Variants in TXNDC16 observed in about 807,000 individuals in gnomAD.
The protein encoded by TXNDC16 is thioredoxin domain-containing protein 16.
In TXNDC16, 74 loss-of-function variants were observed where a neutral mutation model predicts 85.6. That is an observed-to-expected ratio of 0.86 (90% CI 0.72 to 1.05). The LOEUF (loss-of-function observed/expected upper bound fraction) is 1.05, where lower values mean the gene tolerates loss of function less well. TXNDC16 is among the 50% of genes least tolerant of loss of function. The pLI, the probability that TXNDC16 is intolerant of heterozygous loss-of-function variation, is 0.00. For missense variants in TXNDC16, 959 were observed against 947.0 expected (o/e 1.01, Z -0.17); for synonymous variants, 335 against 326.5 (o/e 1.03, Z -0.28).
rs1044176119 is a variant in TXNDC16, at chr14:52,443,529, T to C, written c.1843-2805A>G. Among the ~76,000 whole-genome samples the C allele has an allele frequency of 3.9e-5, 6 of 152,308 alleles. No individual in the cohort carries two copies. In the East Asian group the frequency reaches 5.8e-4, roughly 15 times the overall value. On this transcript the variant is annotated intron_variant, in intron 18 of 20. Coordinates refer to ENST00000281741, the MANE Select transcript of TXNDC16 (RefSeq NM_020784.3). ...GATAAAGAATAAGATCTTGACAGAC[T>C]GAGGTGTGTGCTTGAGCAGGGATTT...
intron 18 of TXNDC16, among the ~76,000 whole-genome samples, chr14:52,448,965 A>C (rs991573133): frequency 3.9e-5 from 6 of 152,116 alleles, no homozygotes; most frequent in Non-Finnish European, 8.8e-5. Context: ...AATACACACA[A>C]AAAAATTTTA....
In TXNDC16 at chr14:52,530,564, T is replaced by TATAATAA. The variant is rs1566583255; in HGVS notation, c.392+6148_392+6154dup. ...TAATATATAATTATATAATATTATA[T>TATAATAA]ATAATAATATATAATTATTATATAT... is the stretch of plus-strand genomic sequence containing the variant. On this transcript the variant is annotated intron_variant, in intron 6 of 20. Transcript: ENST00000281741. Among the ~76,000 whole-genome samples the TATAATAA allele has an allele frequency of 8.2e-5, 2 of 24,300 alleles. 1 individual carries two copies. Among genetic ancestry groups the TATAATAA allele is most frequent in the Admixed American group, 1.6e-3 (2 of 1,266 alleles). 15.9% of individuals were successfully genotyped at this position (24,300 alleles called of 152,430 possible).
At chr14:52,457,500 G>A (rs1385201158) in intron 16 of TXNDC16, among the ~76,000 whole-genome samples, 2 of 152,168 alleles carry the variant, frequency 1.3e-5, no homozygotes, top group African/African-American at 2.4e-5. Flanking sequence ...CTATGGCAGA[G>A]TAAATGGAGA....
intron 3 of TXNDC16, among the ~76,000 whole-genome samples, chr14:52,543,045 C>T (rs990732943): frequency 2.6e-5 from 4 of 151,738 alleles, no homozygotes; most frequent in African/African-American, 9.7e-5. Flanking sequence ...TAGTTACACG[C>T]TAAAAACATG....
intron 7 of TXNDC16, among the ~76,000 whole-genome samples, chr14:52,516,451 G>C (rs2037084785): frequency 6.6e-6 from 1 of 152,134 alleles, no homozygotes; most frequent in South Asian, 2.1e-4. Flanking sequence ...AATTTAAGAA[G>C]TTCGATGCTA....
intron 14 of TXNDC16, among the ~76,000 whole-genome samples, chr14:52,473,318 G>A (rs2035950621): frequency 6.6e-6 from 1 of 152,106 alleles, no homozygotes; most frequent in South Asian, 2.1e-4. Context: ...CTGCTGCTTT[G>A]ATTTCATCAA....
intron 16 of TXNDC16, among the ~76,000 whole-genome samples, chr14:52,467,256 T>G (rs1440953820): frequency 2.0e-5 from 3 of 151,628 alleles, no homozygotes; most frequent in South Asian, 2.1e-4. Flanking sequence ...CACTAAAATA[T>G]CTAAAGGGTT....
chr14:52,519,673 C>T (rs1157258532), intron 6 of TXNDC16, among the ~76,000 whole-genome samples: 4 of 152,322 alleles, frequency 2.6e-5, no homozygotes, highest in Admixed American at 2.6e-4. Context: ...TCTGACAAGA[C>T]CTAGACCTTG....
At chr14:52,478,146 C>G (rs1393722709) in intron 14 of TXNDC16, among the ~76,000 whole-genome samples, 1 of 152,088 alleles carries the variant, frequency 6.6e-6, no homozygotes, top group Non-Finnish European at 1.5e-5. Flanking sequence ...AATAGTGACA[C>G]AACCTATCAA....
chr14:52,537,494 C>A, intron 5 of TXNDC16, 105 bp downstream of exon 5: 1 of 803,270 alleles, frequency 1.2e-6, no homozygotes, highest in Non-Finnish European at 2.0e-6. Context: ...TTTACATGAT[C>A]CCCCCTACAT....
At chr14:52,487,410 T>C (rs1028906392) in intron 12 of TXNDC16, among the ~76,000 whole-genome samples, 2 of 152,194 alleles carry the variant, frequency 1.3e-5, no homozygotes, top group African/African-American at 4.8e-5. Flanking sequence ...GAGCTCATAA[T>C]GGTACTATAT....
At chr14:52,435,160 AGAG>A (rs1466474885) in intron 20 of TXNDC16, among the ~76,000 whole-genome samples, 1 of 151,888 alleles carries the variant, frequency 6.6e-6, no homozygotes, top group African/African-American at 2.4e-5. Flanking sequence ...TTATAGTTGT[AGAG>A]GAGGAAACCA....
chr14:52,533,972 T>A (rs1221594751), intron 6 of TXNDC16, among the ~76,000 whole-genome samples: 1 of 152,198 alleles, frequency 6.6e-6, no homozygotes, highest in Non-Finnish European at 1.5e-5. Context: ...TAGGCCTATG[T>A]CCTTGACCTC....
intron 18 of TXNDC16, among the ~76,000 whole-genome samples, chr14:52,449,910 A>G (rs1398179803): frequency 1.3e-5 from 2 of 151,856 alleles, no homozygotes; most frequent in African/African-American, 4.8e-5. Flanking sequence ...GAAAAAAACC[A>G]TACCCAAACC....
intron 6 of TXNDC16, among the ~76,000 whole-genome samples, chr14:52,522,108 A>T: frequency 6.6e-6 from 1 of 152,218 alleles, no homozygotes; most frequent in Non-Finnish European, 1.5e-5. Flanking sequence ...GGGAGGTACA[A>T]TCTAGTTAAC....
chr14:52,452,416 T>A (rs899507143), intron 18 of TXNDC16, among the ~76,000 whole-genome samples: 1 of 152,184 alleles, frequency 6.6e-6, no homozygotes, highest in Non-Finnish European at 1.5e-5. Flanking sequence ...GGAATCACAT[T>A]ACCTGACATC....
chr14:52,447,361 C>T (rs1177523002), intron 18 of TXNDC16, among the ~76,000 whole-genome samples: 1 of 152,156 alleles, frequency 6.6e-6, no homozygotes, highest in Non-Finnish European at 1.5e-5. Context: ...AAGGGAAGAA[C>T]ACAGGCCCAG....
At chr14:52,491,310 T>C (rs1261251910) in intron 9 of TXNDC16, among the ~76,000 whole-genome samples, 1 of 150,518 alleles carries the variant, frequency 6.6e-6, no homozygotes, top group Non-Finnish European at 1.5e-5. Flanking sequence ...GCCTCCCGAG[T>C]AGCTGAGACC....
intron 18 of TXNDC16, among the ~76,000 whole-genome samples, chr14:52,451,075 C>T (rs911324232): frequency 2.0e-5 from 3 of 151,508 alleles, no homozygotes; most frequent in Non-Finnish European, 4.4e-5. Flanking sequence ...GCTATGAGGA[C>T]ACAAAAGCAT....
Sources: allele counts gnomAD v4.1 joint callset (sites outside exome capture counted in the v4.1 genomes callset), GRCh38; gene constraint gnomAD v4.1.1; transcripts MANE v1.5; gene names NCBI Gene and HGNC (gene_info 2026-07-23, HGNC 2026-07-21).